Variants in ZZEF1 observed in about 807,000 individuals in gnomAD.
ZZEF1 encodes the protein zinc finger ZZ-type and EF-hand domain-containing protein 1.
ZZEF1 carries 157 observed loss-of-function variants against 342.8 expected under a neutral mutation model. That is an observed-to-expected ratio of 0.46 (90% CI 0.40 to 0.52). The LOEUF (loss-of-function observed/expected upper bound fraction) is 0.52, where lower values mean the gene tolerates loss of function less well. ZZEF1 is among the 20% of genes least tolerant of loss of function. The pLI is 0.00. For synonymous variants in ZZEF1, 1,505 were observed against 1,429.1 expected, an observed-to-expected ratio of 1.05 and a Z score of -1.20; for missense variants, 3,480 against 3,725.6, an observed-to-expected ratio of 0.93 and a Z score of 1.72.
In ZZEF1 at chr17:4,033,987, T is replaced by C. The variant is rs755709293; in HGVS notation, c.6584+28A>G. On this transcript the variant is annotated intron_variant, in intron 40 of 54. Coordinates refer to ENST00000381638, the MANE Select transcript of ZZEF1 (RefSeq NM_015113.4). ...ACACCAAGGTGGGATAGAGGGCAGG[T>C]GGTTAGAGGAGCGAGGACCAAGGCT... 5 of 1,606,918 alleles carry C rather than the reference T, an allele frequency of 3.1e-6. No individual in the cohort carries two copies. The African/African-American group carries it at 4.0e-5, about 13-fold the overall frequency.
intron 42 of ZZEF1, among the ~76,000 whole-genome samples, chr17:4,030,029 A>AG (rs2056506659): frequency 1.4e-5 from 1 of 72,792 alleles, no homozygotes; most frequent in Admixed American, 1.5e-4. Context: ...GATCCTATTA[A>AG]AAAAAAAAAA....
rs541461547 is a variant in ZZEF1 at position 4,097,926 on chromosome 17, C to CAAAAAA, written c.1673-1232_1673-1227dup. 4.0e-3 allele frequency among the ~76,000 whole-genome samples: 253 copies of CAAAAAA among 63,656 alleles called. 14 individuals are homozygous for CAAAAAA. Among genetic ancestry groups the CAAAAAA allele is most frequent in the South Asian group, 0.011 (17 of 1,590 alleles). 41.8% of individuals were successfully genotyped at this position (63,656 alleles called of 152,430 possible). A position where few individuals can be genotyped will look rare whatever the true frequency, so the allele number is the denominator to read the frequency against. On this transcript the variant is annotated intron_variant, in intron 9 of 54. Coordinates refer to ENST00000381638, the MANE Select transcript of ZZEF1 (RefSeq NM_015113.4). ...CAGCACAGTGAGACCCCATTTCTAC[C>CAAAAAA]AAAAAAAAAAAAAAAAAAAGCAAAA...
chr17:4,095,985 AAC>A lies in ZZEF1; in HGVS notation c.1765-8_1765-7del, dbSNP rs1192281414. 1 of 1,606,228 alleles carries A rather than the reference AAC, an allele frequency of 6.2e-7. No individual in the cohort carries two copies. The highest frequency in any genetic ancestry group is 1.3e-5 in the African/African-American group (1 of 74,738). On this transcript the variant is annotated splice_region_variant and splice_polypyrimidine_tract_variant and intron_variant, in intron 10 of 54. Coordinates refer to ENST00000381638, the MANE Select transcript of ZZEF1 (RefSeq NM_015113.4). ...CCAATGCCACCACGTCGAACCTGGA[AAC>A]AGAGATTAGGATGAAGTCTATCAAA...
At chr17:4,132,352 T>C (rs191452762) in intron 1 of ZZEF1, among the ~76,000 whole-genome samples, 43 of 152,178 alleles carry the variant, frequency 2.8e-4, no homozygotes, top group African/African-American at 9.4e-4. Context: ...CGTGGCTAAT[T>C]TTTGTATTTT....
chr17:4,072,521 T>TAG, intron 25 of ZZEF1, 87 bp downstream of exon 25: 3 of 1,439,550 alleles, frequency 2.1e-6, no homozygotes, highest in Non-Finnish European at 2.8e-6. Flanking sequence ...GGTAGTAAGA[T>TAG]AGAAACACAA....
At chr17:4,009,885 G>T in intron 52 of ZZEF1, 128 bp from the exon 53 acceptor site, 5 of 1,127,190 alleles carry the variant, frequency 4.4e-6, no homozygotes, top group Non-Finnish European at 6.2e-6. Flanking sequence ...TTATAAAGTC[G>T]CCTCACCTAT....
intron 3 of ZZEF1, among the ~76,000 whole-genome samples, chr17:4,116,164 C>G (rs1158581264): frequency 6.6e-6 from 1 of 152,122 alleles, no homozygotes; most frequent in Non-Finnish European, 1.5e-5. Flanking sequence ...ACTAAAAATA[C>G]AGAAATTAGC....
rs1272402789 is a variant in ZZEF1, at chr17:4,016,256, CACGGAGGGGCTGACG to C, written c.8145+52_8145+66del. ...AGGGGCTGAGCATGGAGGGGCTGAG[CACGGAGGGGCTGACG>C]AGGTCTCTGCGGCTCAGTCGCTCTT... On this transcript the variant is annotated intron_variant, in intron 49 of 54. Transcript: ENST00000381638. The surrounding 1 kb of genome is among the most constrained non-coding windows in gnomAD (Gnocchi z 4.4). 1 of 1,547,176 alleles carries C rather than the reference CACGGAGGGGCTGACG, an allele frequency of 6.5e-7. No individual in the cohort carries two copies. Among genetic ancestry groups the C allele is most frequent in the Admixed American group, 2.0e-5 (1 of 49,006 alleles).
At position 4,142,764 on chromosome 17, in the gene ZZEF1, T is replaced by C. The variant is rs756254957; in HGVS notation, c.132A>G (p.Leu44=). 8.5e-5 allele frequency: 124 copies of C among 1,460,274 alleles called. No individual in the cohort carries two copies. The highest frequency in any genetic ancestry group is 5.5e-4 in the Middle Eastern group (3 of 5,410). The allele number at this position is 1,460,274 out of a possible 1,614,324, so 90.5% of individuals were successfully genotyped here. The part of the protein sequence containing the change: ...TPGPGVAAPA[L]PPAAALLEPA... Reference sequence around the variant, plus strand: ...GCTCCAGCAGCGCCGCGGCGGGTGGTAGCGCTGGAGCCGCGACGCCCGGGC... The same window carrying C: ...GCTCCAGCAGCGCCGCGGCGGGTGGCAGCGCTGGAGCCGCGACGCCCGGGC... Residue 44 remains leucine (L), a synonymous_variant, in exon 1 of 55, where the codon CTA becomes CTG. Coordinates refer to ENST00000381638, the MANE Select transcript of ZZEF1 (RefSeq NM_015113.4).
intron 6 of ZZEF1, among the ~76,000 whole-genome samples, chr17:4,107,729 A>G (rs1305667396): frequency 6.6e-6 from 1 of 152,248 alleles, no homozygotes; most frequent in African/African-American, 2.4e-5. Flanking sequence ...CAAGTTTCTT[A>G]GTATCAGAGA....
chr17:4,047,736 A>G (rs570794927), intron 37 of ZZEF1, among the ~76,000 whole-genome samples: 98 of 151,838 alleles, frequency 6.5e-4, no homozygotes, highest in African/African-American at 2.4e-3. Flanking sequence ...AGGTCAGAAG[A>G]TCGAGACCAA....
Position 4,034,048 on chromosome 17 carries a change from A to AC in ZZEF1, c.6550_6551insG (p.Leu2184ArgfsTer4). On this transcript the variant is annotated frameshift_variant, in exon 40 of 55. Transcript: ENST00000381638. LOFTEE classifies it high-confidence loss of function. ...ACACACAGCTCCCAGGCTAAAGAGC[A>AC]GGTGGGTGGTTTTCCAGCCATCTGG... The AC allele has an allele frequency of 6.2e-7, 1 of 1,614,220 alleles. No individual in the cohort carries two copies. The highest frequency in any genetic ancestry group is 8.5e-7 in the Non-Finnish European group (1 of 1,180,044).
At chr17:4,135,801 C>T (rs1291342046) in intron 1 of ZZEF1, among the ~76,000 whole-genome samples, 1 of 152,048 alleles carries the variant, frequency 6.6e-6, no homozygotes, top group East Asian at 1.9e-4. Flanking sequence ...CAGTCTCATT[C>T]CCATCCTGAT....
At chr17:4,039,719 C>G (rs1004789621) in intron 39 of ZZEF1, among the ~76,000 whole-genome samples, 1 of 148,150 alleles carries the variant, frequency 6.7e-6, no homozygotes, top group Non-Finnish European at 1.5e-5. Flanking sequence ...TCTCGGCTCA[C>G]TGCAACCTCC....
chr17:4,112,671 T>G lies in ZZEF1; in HGVS notation c.1004A>C (p.His335Pro). ...ASDLQEVRDV[H>P]IPSNVTGYVT... ...ATAGCCAGTGACATTGCTGGGGATG[T>G]GCACATCTCGGACTTCCTGAAGATC... Residue 335 changes from histidine to proline, a missense_variant, in exon 5 of 55, where the codon CAC becomes CCC. Around this residue, in one of 5 missense-constraint regions of ZZEF1, gnomAD observed 92 missense variants for 130.3 expected, o/e 0.71. Coordinates refer to ENST00000381638, the MANE Select transcript of ZZEF1 (RefSeq NM_015113.4). 6.2e-7 allele frequency: 1 copy of G among 1,614,226 alleles called. No individual in the cohort carries two copies. The highest frequency in any genetic ancestry group is 8.5e-7 in the Non-Finnish European group (1 of 1,180,030).
chr17:4,053,953 A>G (rs1030621446), intron 34 of ZZEF1, 104 bp downstream of exon 34: 6 of 1,282,364 alleles, frequency 4.7e-6, no homozygotes, highest in Non-Finnish European at 5.3e-6. Flanking sequence ...ACCACTGGGC[A>G]GTACTTTGAT....
In ZZEF1 at chr17:4,081,394, G is replaced by C. The variant is rs763478164; in HGVS notation, c.2811C>G (p.Val937=). 1 of 1,613,556 alleles carries C rather than the reference G, an allele frequency of 6.2e-7. No individual in the cohort carries two copies. Among genetic ancestry groups the C allele is most frequent in the Admixed American group, 1.7e-5 (1 of 60,016 alleles). ...TGGATACCTCTCGAGCAGCAACAGA[G>C]ACGAGAGTGTCCATGACCGCCAGGA... ...SEVLAVMDTL[V]SVAARECELL... Residue 937 remains valine (V), a synonymous_variant, in exon 18 of 55, where the codon GTC becomes GTG. Transcript: ENST00000381638.
chr17:4,131,115 C>T (rs556126003), intron 1 of ZZEF1, among the ~76,000 whole-genome samples: 3 of 152,150 alleles, frequency 2.0e-5, no homozygotes, highest in South Asian at 2.1e-4. Context: ...TCAATCCTCC[C>T]TTTTTCAGAA....
chr17:4,012,663 G>A lies in ZZEF1; in HGVS notation c.8579+786C>T, dbSNP rs995476889. Among the ~76,000 whole-genome samples the A allele has an allele frequency of 7.2e-5, 11 of 152,230 alleles. No individual in the cohort carries two copies. The East Asian group carries it at 9.6e-4, about 13-fold the overall frequency. Reference sequence around the variant, plus strand: ...CAACACTATATGTCCTCCCTATAGCGCAAAAGGCAAGAACAGTGTCTAAGC... The same window carrying A: ...CAACACTATATGTCCTCCCTATAGCACAAAAGGCAAGAACAGTGTCTAAGC... On this transcript the variant is annotated intron_variant, in intron 52 of 54. Transcript: ENST00000381638.
Sources: gnomAD v4.1 joint callset for allele counts (sites outside exome capture counted in the v4.1 genomes callset) on GRCh38, gnomAD v4.1.1 for gene constraint, gnomAD v4.1.1 regional missense constraint, Gnocchi (gnomAD v3.1) non-coding constraint, MANE v1.5 for transcripts, NCBI Gene and HGNC (gene_info 2026-07-23, HGNC 2026-07-21) for gene names.